Variants in CTSB observed in about 807,000 individuals in gnomAD.
CTSB encodes the protein APP secretase.
A neutral mutation model predicts 44.3 loss-of-function variants in CTSB; 57 were observed. The ratio of observed to expected loss-of-function variants is 1.29; its 90% confidence interval spans 1.04 to 1.60. CTSB has a LOEUF of 1.60. CTSB is among the 40% of genes most tolerant of loss of function. CTSB has a pLI of 0.00. For synonymous variants in CTSB, 320 were observed against 168.0 expected (o/e 1.91, Z -7.00); for missense variants, 768 against 443.0 (o/e 1.73, Z -6.59).
chr8:11,853,512 C>CT (rs1203321478), intron 1 of CTSB, 33 bp from the exon 2 acceptor site: 2 of 1,581,042 alleles, frequency 1.3e-6, no homozygotes, highest in African/African-American at 2.7e-5. Flanking sequence ...GGACACCTCT[C>CT]TGTTATGTGG....
In CTSB at chr8:11,863,391, G is replaced by A. The variant is rs913528988; in HGVS notation, c.-26+4610C>T. ...GGAGAATCACTTGAACCCGGGAGGC[G>A]GAGGTTACAGTGAGCCGAGATTACA... On this transcript the variant is annotated intron_variant, in intron 1 of 9. Coordinates refer to ENST00000353047, the MANE Select transcript of CTSB (RefSeq NM_001908.5). 7.9e-5 allele frequency among the ~76,000 whole-genome samples: 12 copies of A among 151,956 alleles called. No individual in the cohort carries two copies. The East Asian group carries it at 1.5e-3, about 20-fold the overall frequency.
intron 1 of CTSB, among the ~76,000 whole-genome samples, chr8:11,866,604 C>G (rs1474368468): frequency 6.6e-6 from 1 of 152,156 alleles, no homozygotes; most frequent in African/African-American, 2.4e-5. Context: ...CTTGGCCAGG[C>G]ACCGTGACTC....
At chr8:11,857,331 TTAA>T (rs1815675675) in intron 1 of CTSB, among the ~76,000 whole-genome samples, 3 of 152,138 alleles carry the variant, frequency 2.0e-5, no homozygotes, top group Non-Finnish European at 1.5e-5. Flanking sequence ...AGTGACTTTC[TTAA>T]TAATCTTCCC....
rs375753516 is a variant in CTSB at position 11,848,288 on chromosome 8, A to G, written c.447-136T>C. ...AGCAAGTGGTGCGAGCAGACCTCCC[A>G]GACCCCAAACCCTCCAAGGGACGCT... On this transcript the variant is annotated intron_variant, in intron 5 of 9. Coordinates refer to ENST00000353047, the MANE Select transcript of CTSB (RefSeq NM_001908.5). 191 of 762,180 alleles carry G rather than the reference A, an allele frequency of 2.5e-4. 3 individuals are homozygous for G. In the East Asian group the frequency reaches 3.0e-3, roughly 12 times the overall value. 47.2% of individuals were successfully genotyped at this position (762,180 alleles called of 1,614,324 possible). A position where few individuals can be genotyped will look rare whatever the true frequency, so the allele number is the denominator to read the frequency against.
chr8:11,866,746 G>A (rs1418683949), intron 1 of CTSB, among the ~76,000 whole-genome samples: 1 of 152,214 alleles, frequency 6.6e-6, no homozygotes, highest in African/African-American at 2.4e-5. Context: ...TGTAATCCCA[G>A]CTACTCGGGA....
chr8:11,848,425 G>A (rs571959745), intron 5 of CTSB: 25 of 576,686 alleles, frequency 4.3e-5, no homozygotes, highest in Non-Finnish European at 6.8e-5. Context: ...ACCAGGCTAC[G>A]AGTGCCCTTC....
intron 1 of CTSB, among the ~76,000 whole-genome samples, chr8:11,856,262 G>T (rs943256498): frequency 6.6e-6 from 1 of 151,990 alleles, no homozygotes; most frequent in Non-Finnish European, 1.5e-5. Flanking sequence ...TCCTGGAAAT[G>T]AATCAAGTAT....
Position 11,844,910 on chromosome 8 carries a change from T to C in CTSB, c.*215A>G. ...CTAGTCTACAGGGGGAAGGACGCTC[T>C]GTGCTGGCAGCGGTGGCTCACATGG... is the stretch of plus-strand genomic sequence containing the variant. On this transcript the variant is annotated 3_prime_UTR_variant, in exon 10 of 10. Coordinates refer to ENST00000353047, the MANE Select transcript of CTSB (RefSeq NM_001908.5). 6 of 568,262 alleles carry C rather than the reference T, an allele frequency of 1.1e-5. No individual in the cohort carries two copies. Among genetic ancestry groups the C allele is most frequent in the South Asian group, 8.8e-5 (4 of 45,362 alleles). 35.2% of individuals were successfully genotyped at this position (568,262 alleles called of 1,614,324 possible).
At chr8:11,861,176 C>T (rs1347853756) in intron 1 of CTSB, among the ~76,000 whole-genome samples, 5 of 152,234 alleles carry the variant, frequency 3.3e-5, no homozygotes, top group Admixed American at 6.5e-5. Flanking sequence ...CCCTGATGAA[C>T]GGGCACCAGA....
chr8:11,853,608 A>G, intron 1 of CTSB, 129 bp from the exon 2 acceptor site: 1 of 887,574 alleles, frequency 1.1e-6, no homozygotes, highest in Non-Finnish European at 1.6e-6. Context: ...AGAACTCTTA[A>G]GGAGCTGAGG....
intron 1 of CTSB, among the ~76,000 whole-genome samples, chr8:11,865,096 A>AT (rs994095564): frequency 6.6e-6 from 1 of 152,112 alleles, no homozygotes; most frequent in Non-Finnish European, 1.5e-5. Flanking sequence ...TGCCACCCTG[A>AT]TATCCCAGAG....
At chr8:11,848,804 C>T (rs1586109444) in intron 5 of CTSB, 1 of 425,470 alleles carries the variant, frequency 2.4e-6, no homozygotes, top group Admixed American at 3.5e-5. Flanking sequence ...ACCACATTTT[C>T]TGAAACTGAC....
intron 4 of CTSB, chr8:11,850,468 T>A (rs955378515): frequency 2.6e-5 from 4 of 152,732 alleles, no homozygotes; most frequent in African/African-American, 9.8e-5. Context: ...AAAAGAAGAT[T>A]GCTAAGATTA....
chr8:11,859,222 T>C (rs1238203959), intron 1 of CTSB, among the ~76,000 whole-genome samples: 1 of 152,064 alleles, frequency 6.6e-6, no homozygotes, highest in East Asian at 1.9e-4. Context: ...CCCGGCTCTG[T>C]AGAACGTTGT....
rs142498790 is a variant in CTSB at position 11,845,608 on chromosome 8, C to T, written c.922+53G>A. On this transcript the variant is annotated intron_variant, in intron 9 of 9. Coordinates refer to ENST00000353047, the MANE Select transcript of CTSB (RefSeq NM_001908.5). ...AGAACAGAGAAAGCCGAGATGGCCA[C>T]GGGGTGTGGCTCACAATTCACTGTT... is the stretch of plus-strand genomic sequence containing the variant. 7,960 of 1,587,734 alleles carry T rather than the reference C, an allele frequency of 5.0e-3. 49 individuals carry two copies. The highest frequency in any genetic ancestry group is 0.023 in the South Asian group (2,054 of 88,052).
intron 1 of CTSB, among the ~76,000 whole-genome samples, chr8:11,860,764 G>T (rs964228754): frequency 2.0e-5 from 3 of 152,260 alleles, no homozygotes; most frequent in Non-Finnish European, 4.4e-5. Flanking sequence ...AGACTGTGAA[G>T]GCTCAGTAAG....
At position 11,849,159 on chromosome 8, in the gene CTSB, G is replaced by A. The variant is rs762162520; in HGVS notation, c.333C>T (p.Phe111=). 2.4e-5 allele frequency: 39 copies of A among 1,611,766 alleles called. No homozygotes were observed. Among genetic ancestry groups the A allele is most frequent in the East Asian group, 1.8e-4 (8 of 44,860 alleles). The change falls in exon 5 of 10, where the codon TTC becomes TTT. Residue 111 remains phenylalanine, a synonymous_variant. Transcript: ENST00000353047. ...DQGSCGSCWA[F]GAVEAISDRI... ...GGTCAGAGATGGCTTCCACAGCCCC[G>A]AAGGCCTGCAGGAACGAGCCCCACC...
At chr8:11,853,576 A>T in intron 1 of CTSB, 97 bp from the exon 2 acceptor site, 1 of 1,249,936 alleles carries the variant, frequency 8.0e-7, no homozygotes, top group Non-Finnish European at 1.1e-6. Flanking sequence ...GGGGACCCCC[A>T]TGCTCGTCCT....
intron 4 of CTSB, among the ~76,000 whole-genome samples, chr8:11,850,419 C>CAAAAAAAAAAAAAAAAAAAAAAAA (rs61067792): frequency 1.9e-5 from 1 of 53,778 alleles, no homozygotes; most frequent in Non-Finnish European, 3.3e-5. Context: ...ACTCCATCTC[C>CAAAAAAAAAAAAAAAAAAAAAAAA]AAAAAAAAAA....
Sources: allele counts gnomAD v4.1 joint callset (sites outside exome capture counted in the v4.1 genomes callset), GRCh38; gene constraint gnomAD v4.1.1; transcripts MANE v1.5; gene names NCBI Gene and HGNC (gene_info 2026-07-23, HGNC 2026-07-21).